Variants in SLC14A2 observed in about 807,000 individuals in gnomAD.
SLC14A2 encodes the protein solute carrier family 14 member 2, also known as urea transporter 2.
Under a neutral mutation model 104.6 loss-of-function variants are expected in SLC14A2, and 91 were observed. The ratio of observed to expected loss-of-function variants is 0.87; its 90% confidence interval spans 0.73 to 1.04. SLC14A2 has a LOEUF of 1.04. Ranked by LOEUF, SLC14A2 falls within the 50% of genes least tolerant of loss-of-function variation. The probability of loss-of-function intolerance (pLI) is 0.00; values close to 1 mark genes in which losing one functional copy is unlikely to be tolerated. For missense variants in SLC14A2, 1,189 were observed against 1,156.0 expected (o/e 1.03, Z -0.41); for synonymous variants, 476 against 466.4 (o/e 1.02, Z -0.27).
At chr18:45,595,471 AC>A (rs1241618041) in intron 2 of SLC14A2, among the ~76,000 whole-genome samples, 67 of 151,890 alleles carry the variant, frequency 4.4e-4, no homozygotes, top group African/African-American at 1.6e-3. Flanking sequence ...TTCAAACCCC[AC>A]ACTTTTGCCA....
At chr18:45,494,589 A>G (rs1397001216) in intron 2 of SLC14A2, among the ~76,000 whole-genome samples, 1 of 151,526 alleles carries the variant, frequency 6.6e-6, no homozygotes, top group East Asian at 1.9e-4. Flanking sequence ...TTAAATAGCG[A>G]CAGGGTCTCA....
intron 1 of SLC14A2, among the ~76,000 whole-genome samples, chr18:45,437,123 C>T (rs1382492171): frequency 6.6e-6 from 1 of 152,200 alleles, no homozygotes; most frequent in Non-Finnish European, 1.5e-5. Context: ...CGCATGAGTG[C>T]GCATCCCTCT....
chr18:45,478,287 C>A (rs1266393564), intron 1 of SLC14A2, among the ~76,000 whole-genome samples: 1 of 152,230 alleles, frequency 6.6e-6, no homozygotes, highest in East Asian at 1.9e-4. Flanking sequence ...CCCCACCCTG[C>A]TTCTGCTCGC....
At chr18:45,183,598 C>T in the SLC14A2 span, among the ~76,000 whole-genome samples, 2 of 152,108 alleles carry the variant, frequency 1.3e-5, no homozygotes, top group East Asian at 3.9e-4. Flanking sequence ...TCCTAGGTTG[C>T]ACAATTTGCT....
chr18:45,419,007 C>G (rs969348327), intron 1 of SLC14A2, among the ~76,000 whole-genome samples: 7 of 152,136 alleles, frequency 4.6e-5, no homozygotes, highest in Non-Finnish European at 1.0e-4. Context: ...CAGGCTGAAG[C>G]ACCAAAGATA....
At position 45,590,035 on chromosome 18, in the gene SLC14A2, G is replaced by A. The variant is rs981522752; in HGVS notation, c.-34-34596G>A. 3.3e-5 allele frequency among the ~76,000 whole-genome samples: 5 copies of A among 152,306 alleles called. No homozygotes were observed. The East Asian group carries it at 7.7e-4, about 24-fold the overall frequency. On this transcript the variant is annotated intron_variant, in intron 2 of 20. Coordinates refer to the SLC14A2 transcript ENST00000586448. ...CCCAAGTGGGTGAATATCTCATTTTGACCACTTTAGCTGCTGGGATGATTT... is the reference window on the plus strand; with the variant it reads ...CCCAAGTGGGTGAATATCTCATTTTAACCACTTTAGCTGCTGGGATGATTT...
intron 1 of SLC14A2, among the ~76,000 whole-genome samples, chr18:45,422,248 G>A (rs2086359603): frequency 6.6e-6 from 1 of 152,134 alleles, no homozygotes; most frequent in Admixed American, 6.5e-5. Flanking sequence ...AGGCCTGTTT[G>A]CAGCAGCTAT....
chr18:45,238,850 A>G (rs981101272), intron 1 of SLC14A2, among the ~76,000 whole-genome samples: 30 of 152,082 alleles, frequency 2.0e-4, no homozygotes, highest in African/African-American at 2.4e-5. Flanking sequence ...TTTGTTTTTT[A>G]TTTTAAAAAT....
At chr18:45,580,010 TATGGGACATAGGAGGGAGAG>T (rs113018238) in intron 2 of SLC14A2, among the ~76,000 whole-genome samples, 4 of 152,256 alleles carry the variant, frequency 2.6e-5, no homozygotes, top group African/African-American at 9.6e-5. Flanking sequence ...TTGAAACAAG[TATGGGACATAGGAGGGAGAG>T]ATGGGATATT....
chr18:45,565,030 G>A (rs574912308), intron 2 of SLC14A2, among the ~76,000 whole-genome samples: 66 of 145,912 alleles, frequency 4.5e-4, no homozygotes, highest in African/African-American at 1.6e-3. Context: ...GATAGCTGTG[G>A]AAGAGCACAT....
chr18:45,660,805 C>T (rs759310548), intron 10 of SLC14A2, among the ~76,000 whole-genome samples: 10 of 152,172 alleles, frequency 6.6e-5, no homozygotes, highest in Non-Finnish European at 1.2e-4. Flanking sequence ...TCTTTATCCA[C>T]GATGAAAGTC....
chr18:45,586,832 G>A (rs2044572691), intron 2 of SLC14A2, among the ~76,000 whole-genome samples: 1 of 152,112 alleles, frequency 6.6e-6, no homozygotes, highest in African/African-American at 2.4e-5. Context: ...CACTGTCAGG[G>A]ATCAGAGGGG....
intron 1 of SLC14A2, among the ~76,000 whole-genome samples, chr18:45,457,993 T>A (rs980366272): frequency 5.9e-5 from 9 of 152,048 alleles, no homozygotes; most frequent in African/African-American, 2.2e-4. Flanking sequence ...GACACACACA[T>A]GTGAGCCTTC....
intron 2 of SLC14A2, among the ~76,000 whole-genome samples, chr18:45,552,380 C>T (rs7226658): frequency 3.3e-5 from 5 of 151,902 alleles, no homozygotes; most frequent in South Asian, 2.1e-4. Flanking sequence ...TTCTCTCCCC[C>T]ACCCCCTGCA....
intron 1 of SLC14A2, among the ~76,000 whole-genome samples, chr18:45,414,751 A>T (rs1186259658): frequency 4.4e-4 from 31 of 70,880 alleles, no homozygotes; most frequent in African/African-American, 1.8e-3. Flanking sequence ...GCGTAAAAAA[A>T]AAAAAAATAT....
intron 1 of SLC14A2, among the ~76,000 whole-genome samples, chr18:45,446,162 G>A (rs1176785385): frequency 6.6e-6 from 1 of 152,200 alleles, no homozygotes; most frequent in Non-Finnish European, 1.5e-5. Context: ...CAGTTAAAGA[G>A]TGTGATTATT....
chr18:45,234,800 A>G (rs2084208883), intron 1 of SLC14A2, among the ~76,000 whole-genome samples: 1 of 152,116 alleles, frequency 6.6e-6, no homozygotes, highest in Non-Finnish European at 1.5e-5. Flanking sequence ...TAATGGGATG[A>G]ATTATTTATA....
chr18:45,253,731 T>A (rs748944964), intron 1 of SLC14A2, among the ~76,000 whole-genome samples: 9 of 152,224 alleles, frequency 5.9e-5, no homozygotes, highest in Non-Finnish European at 1.2e-4. Flanking sequence ...CCAAGTCTTA[T>A]CTTCAGAGAA....
At chr18:45,450,566 A>G (rs1288491641) in intron 1 of SLC14A2, among the ~76,000 whole-genome samples, 1 of 152,232 alleles carries the variant, frequency 6.6e-6, no homozygotes, top group Non-Finnish European at 1.5e-5. Context: ...AGATGAACTT[A>G]GGGTGGGACC....
Sources: allele counts gnomAD v4.1 joint callset (sites outside exome capture counted in the v4.1 genomes callset), GRCh38; gene constraint gnomAD v4.1.1; transcripts MANE v1.5; gene names NCBI Gene and HGNC (gene_info 2026-07-23, HGNC 2026-07-21).